The following VAC14 variants were observed in gnomAD, a reference collection of about 807,000 sequenced individuals.
VAC14 encodes the protein protein VAC14 homolog.
In VAC14, 47 loss-of-function variants were observed where a neutral mutation model predicts 85.3. That is an observed-to-expected ratio of 0.55 (90% CI 0.44 to 0.70). VAC14 has a LOEUF of 0.70. Ranked by LOEUF, VAC14 falls within the 30% of genes least tolerant of loss-of-function variation. The pLI is 0.00. For synonymous variants in VAC14, 447 were observed against 430.5 expected (o/e 1.04, Z -0.47); for missense variants, 861 against 1,004.3 (o/e 0.86, Z 1.93).
At chr16:70,714,634 G>A (rs1289795357) in intron 14 of VAC14, 1 of 152,246 alleles carries the variant, frequency 6.6e-6, no homozygotes, top group African/African-American at 2.4e-5. Context: ...GGCATTAGCT[G>A]ACTGAAGCCA....
intron 13 of VAC14, among the ~76,000 whole-genome samples, chr16:70,736,189 C>T (rs2054745567): frequency 6.6e-6 from 1 of 152,192 alleles, no homozygotes. Flanking sequence ...GCCTCAGTTT[C>T]CTCATCTGTA....
At chr16:70,696,081 C>T (rs1460567952) in intron 16 of VAC14, among the ~76,000 whole-genome samples, 1 of 152,206 alleles carries the variant, frequency 6.6e-6, no homozygotes, top group Non-Finnish European at 1.5e-5. Flanking sequence ...CCACACCTAG[C>T]CCTCCACTGA....
At chr16:70,704,359 G>C (rs959397359) in intron 14 of VAC14, among the ~76,000 whole-genome samples, 3 of 152,108 alleles carry the variant, frequency 2.0e-5, no homozygotes, top group African/African-American at 7.2e-5. Context: ...TGTCTTCTTT[G>C]TCCTTTCCTG....
At chr16:70,795,034 G>T (rs753705234) in intron 1 of VAC14, among the ~76,000 whole-genome samples, 15 of 152,244 alleles carry the variant, frequency 9.9e-5, no homozygotes, top group Admixed American at 4.6e-4. Context: ...GCAGTCACAT[G>T]CTGTGCAGGT....
intron 12 of VAC14, chr16:70,755,961 G>A (rs1215156852): frequency 2.2e-6 from 1 of 455,572 alleles, no homozygotes; most frequent in Non-Finnish European, 4.4e-6. Context: ...GCTTCCCCCA[G>A]GTGGGACCCC....
At chr16:70,761,351 T>C in intron 12 of VAC14, 2 of 255,732 alleles carry the variant, frequency 7.8e-6, no homozygotes, top group South Asian at 7.5e-5. Flanking sequence ...GGCTGCCTCA[T>C]GGAGATACAG....
At chr16:70,756,422 C>G (rs2031862157) in intron 12 of VAC14, among the ~76,000 whole-genome samples, 1 of 152,214 alleles carries the variant, frequency 6.6e-6, no homozygotes. Flanking sequence ...GGACCTGCAC[C>G]ATGAAAACAA....
chr16:70,773,870 T>G (rs2143183935), intron 9 of VAC14, among the ~76,000 whole-genome samples: 1 of 152,154 alleles, frequency 6.6e-6, no homozygotes, highest in South Asian at 2.1e-4. Context: ...ACTCAAGAGA[T>G]TGAGCCCACC....
At chr16:70,761,381 T>A (rs145956487) in intron 12 of VAC14, 1 of 215,838 alleles carries the variant, frequency 4.6e-6, no homozygotes, top group East Asian at 1.6e-4. Flanking sequence ...CAGCTCACAG[T>A]GCCTTGGCGC....
chr16:70,791,547 G>A (rs1353574639), intron 1 of VAC14, among the ~76,000 whole-genome samples: 1 of 152,140 alleles, frequency 6.6e-6, no homozygotes, highest in African/African-American at 2.4e-5. Flanking sequence ...ATCACGCCTG[G>A]CTAATTTTTT....
At chr16:70,763,101 T>TG in intron 10 of VAC14, 76 bp from the exon 11 acceptor site, 2 of 1,592,530 alleles carry the variant, frequency 1.3e-6, no homozygotes, top group East Asian at 2.2e-5. Flanking sequence ...GGCACCACCC[T>TG]GGGCCTGCAC....
At chr16:70,706,499 G>C (rs534385921) in intron 14 of VAC14, among the ~76,000 whole-genome samples, 3 of 152,310 alleles carry the variant, frequency 2.0e-5, no homozygotes, top group Non-Finnish European at 4.4e-5. Context: ...ACCATGCACA[G>C]AGGGGCGAGC....
chr16:70,768,445 C>T (rs905374954), intron 10 of VAC14: 8 of 185,520 alleles, frequency 4.3e-5, no homozygotes, highest in Non-Finnish European at 7.9e-5. Context: ...TTCCTCCAAC[C>T]GGGTTCCTTC....
At position 70,800,984 on chromosome 16, in the gene VAC14, C is replaced by A. The variant is rs913363121; in HGVS notation, c.-84G>T. The A allele has an allele frequency of 1.1e-6, 1 of 950,116 alleles. No individual in the cohort carries two copies. The highest frequency in any genetic ancestry group is 3.2e-5 in the East Asian group (1 of 31,592). The allele number at this position is 950,116 out of a possible 1,614,324, so 58.9% of individuals were successfully genotyped here. On this transcript the variant is annotated 5_prime_UTR_variant, in exon 1 of 19. Transcript: ENST00000261776. ...GGCCAGGGGAGTCTGCGGCTCCGCT[C>A]TGCCCCCGGCGCCGGCGCATGGACC...
At chr16:70,697,074 G>T in intron 16 of VAC14, 65 bp downstream of exon 16, 1 of 1,373,396 alleles carries the variant, frequency 7.3e-7, no homozygotes, top group Non-Finnish European at 1.0e-6. Context: ...TGGGTGGAAA[G>T]GGGGCAGCCG....
At chr16:70,766,372 C>T (rs2032814008) in intron 10 of VAC14, 1 of 412,022 alleles carries the variant, frequency 2.4e-6, no homozygotes, top group African/African-American at 2.0e-5. Context: ...CAAAGAACGG[C>T]AGCATATCAC....
intron 13 of VAC14, among the ~76,000 whole-genome samples, chr16:70,733,535 G>A (rs185725419): frequency 1.3e-5 from 2 of 151,934 alleles, no homozygotes; most frequent in East Asian, 3.9e-4. Flanking sequence ...CTGGATGATG[G>A]GGGTGGATTT....
rs183161287 is a variant in VAC14 at position 70,801,079 on chromosome 16, G to A, written c.-179C>T. 224 of 476,018 alleles carry A rather than the reference G, an allele frequency of 4.7e-4. No homozygotes were observed. The highest frequency in any genetic ancestry group is 4.5e-3 in the African/African-American group (217 of 48,626). 29.5% of individuals were successfully genotyped at this position (476,018 alleles called of 1,614,324 possible). A position where few individuals can be genotyped will look rare whatever the true frequency, so the allele number is the denominator to read the frequency against. On this transcript the variant is annotated 5_prime_UTR_variant, in exon 1 of 19. Transcript: ENST00000261776. Reference sequence around the variant, plus strand: ...GAACCCGGGCCCGGACCCCGCTCCAGCACACCTGACCCTGGCCGCTTAACA... The same window carrying A: ...GAACCCGGGCCCGGACCCCGCTCCAACACACCTGACCCTGGCCGCTTAACA...
At chr16:70,739,328 C>T (rs1266087563) in intron 13 of VAC14, among the ~76,000 whole-genome samples, 1 of 152,202 alleles carries the variant, frequency 6.6e-6, no homozygotes, top group Non-Finnish European at 1.5e-5. Flanking sequence ...TCAAGAGAAA[C>T]AGGTGCTTTC....
Sources: gnomAD v4.1 joint callset for allele counts (sites outside exome capture counted in the v4.1 genomes callset) on GRCh38, gnomAD v4.1.1 for gene constraint, MANE v1.5 for transcripts, NCBI Gene and HGNC (gene_info 2026-07-23, HGNC 2026-07-21) for gene names.